SCARA5: variants seen among roughly 807,000 people sequenced by gnomAD.
SCARA5 encodes scavenger receptor class A, member 5 (putative).
A neutral mutation model predicts 46.3 loss-of-function variants in SCARA5; 45 were observed. That is an observed-to-expected ratio of 0.97 (90% CI 0.76 to 1.24). SCARA5 has a LOEUF of 1.24. Among genes scored for constraint, SCARA5 ranks in the 50% most tolerant of loss-of-function variants. The probability of loss-of-function intolerance (pLI) is 0.00; values close to 1 mark genes in which losing one functional copy is unlikely to be tolerated. For synonymous variants in SCARA5, 333 were observed against 306.5 expected (o/e 1.09, Z -0.90); for missense variants, 680 against 689.0 (o/e 0.99, Z 0.15).
rs1806642073 is a variant in SCARA5, at chr8:27,871,777, G to A, written c.*157C>T. 6.8e-6 allele frequency: 10 copies of A among 1,470,232 alleles called. 1 individual carries two copies. The highest frequency in any genetic ancestry group is 5.6e-5 in the South Asian group (4 of 71,966). The allele number at this position is 1,470,232 out of a possible 1,614,324, so 91.1% of individuals were successfully genotyped here. The stretch of plus-strand genomic sequence containing the variant: ...AGCACATGTTCAAGAGGGAAATGAC[G>A]ACCGGCCCCCACGGTCCTGGGATGC... On this transcript the variant is annotated 3_prime_UTR_variant, in exon 9 of 9. Transcript: ENST00000354914.
chr8:27,880,853 T>C (rs1388573092), intron 7 of SCARA5, among the ~76,000 whole-genome samples: 1 of 12,662 alleles, frequency 7.9e-5, no homozygotes, highest in Non-Finnish European at 1.6e-4. Flanking sequence ...AGACCCTGTC[T>C]AAGGAAAAAA....
chr8:27,960,536 A>C (rs1466453122), intron 3 of SCARA5, among the ~76,000 whole-genome samples: 2 of 152,194 alleles, frequency 1.3e-5, no homozygotes, highest in African/African-American at 4.8e-5. Context: ...TATTTAATTC[A>C]GTCCTCACAA....
chr8:27,924,713 G>A (rs1807653749), intron 3 of SCARA5, among the ~76,000 whole-genome samples: 3 of 152,198 alleles, frequency 2.0e-5, no homozygotes. Context: ...GTTTGCAGAT[G>A]ACATGATTGT....
intron 3 of SCARA5, among the ~76,000 whole-genome samples, chr8:27,950,036 C>T (rs1259355615): frequency 6.6e-6 from 1 of 152,198 alleles, no homozygotes; most frequent in African/African-American, 2.4e-5. Flanking sequence ...GTGGCCAGCC[C>T]ACCGTGGCTC....
chr8:27,893,924 G>T (rs1251734825), intron 7 of SCARA5, among the ~76,000 whole-genome samples: 3 of 152,214 alleles, frequency 2.0e-5, no homozygotes, highest in Non-Finnish European at 4.4e-5. Flanking sequence ...CCATCTCTCA[G>T]AACTGGCTTC....
intron 3 of SCARA5, among the ~76,000 whole-genome samples, chr8:27,944,839 G>A (rs912042163): frequency 7.9e-5 from 12 of 152,002 alleles, no homozygotes; most frequent in African/African-American, 2.9e-4. Context: ...CACTGCACTC[G>A]TCTGGGCGAC....
intron 8 of SCARA5, among the ~76,000 whole-genome samples, chr8:27,874,708 T>C (rs1400795750): frequency 6.6e-6 from 1 of 152,236 alleles, no homozygotes; most frequent in Non-Finnish European, 1.5e-5. Flanking sequence ...GAGGAGGTAA[T>C]AATGCAATAA....
intron 3 of SCARA5, among the ~76,000 whole-genome samples, chr8:27,942,984 G>C (rs1457679552): frequency 1.3e-5 from 2 of 152,204 alleles, no homozygotes; most frequent in Non-Finnish European, 2.9e-5. Flanking sequence ...ATGAGAGTAA[G>C]AAGCATCCCT....
intron 3 of SCARA5, among the ~76,000 whole-genome samples, chr8:27,927,084 G>A (rs1324218834): frequency 3.9e-5 from 6 of 152,236 alleles, no homozygotes; most frequent in African/African-American, 9.6e-5. Flanking sequence ...CACATCTGCC[G>A]AGGGCCAAGA....
At chr8:27,901,060 T>C (rs1383814995) in intron 7 of SCARA5, among the ~76,000 whole-genome samples, 2 of 152,132 alleles carry the variant, frequency 1.3e-5, no homozygotes, top group African/African-American at 4.8e-5. Flanking sequence ...CCTAAAATCC[T>C]ATGACTTCAG....
intron 7 of SCARA5, among the ~76,000 whole-genome samples, chr8:27,886,997 C>T (rs941167840): frequency 6.6e-6 from 1 of 152,110 alleles, no homozygotes; most frequent in Non-Finnish European, 1.5e-5. Flanking sequence ...TCTCTCTGCA[C>T]GTGGCAGTGG....
intron 7 of SCARA5, among the ~76,000 whole-genome samples, chr8:27,880,951 T>C (rs1349042294): frequency 6.6e-6 from 1 of 150,510 alleles, no homozygotes; most frequent in Non-Finnish European, 1.5e-5. Context: ...AAAATGCTCA[T>C]CGTTACTAAT....
intron 3 of SCARA5, among the ~76,000 whole-genome samples, chr8:27,932,604 C>T (rs1244295275): frequency 1.3e-5 from 2 of 152,162 alleles, no homozygotes; most frequent in Non-Finnish European, 2.9e-5. Flanking sequence ...CATAACCTTT[C>T]CTCTTGGTGT....
At chr8:27,888,455 T>A (rs1053965696) in intron 7 of SCARA5, among the ~76,000 whole-genome samples, 4 of 152,224 alleles carry the variant, frequency 2.6e-5, no homozygotes, top group Admixed American at 2.6e-4. Flanking sequence ...ATTTCCCACC[T>A]TTTTAGGCCA....
At chr8:27,948,763 G>C (rs1808076687) in intron 3 of SCARA5, among the ~76,000 whole-genome samples, 1 of 152,220 alleles carries the variant, frequency 6.6e-6, no homozygotes, top group Non-Finnish European at 1.5e-5. Flanking sequence ...CAAACGCCTA[G>C]TTAAATTGAA....
Position 27,969,323 on chromosome 8 carries a change from T to A in SCARA5, c.113-2781A>T, listed in dbSNP as rs899440966. Among the ~76,000 whole-genome samples the A allele has an allele frequency of 2.1e-4, 32 of 152,290 alleles. No individual in the cohort carries two copies. The East Asian group carries it at 4.2e-3, about 20-fold the overall frequency. On this transcript the variant is annotated intron_variant, in intron 2 of 8. Coordinates refer to ENST00000354914, the MANE Select transcript of SCARA5 (RefSeq NM_173833.6). The stretch of plus-strand genomic sequence containing the variant: ...ACTTTTTTGTTAAAAATAATTTTTT[T>A]AAAAATGCACTATCAAGCCATGACA...
At chr8:27,978,502 C>CTTAT (rs369346257) in intron 2 of SCARA5, among the ~76,000 whole-genome samples, 6,336 of 151,600 alleles carry the variant, frequency 0.042, 194 homozygotes, top group Middle Eastern at 0.092. Flanking sequence ...CATGGCTCAT[C>CTTAT]TTATTTATTT....
Position 27,987,568 on chromosome 8 carries a change from G to C in SCARA5, c.48C>G (p.Thr16=), listed in dbSNP as rs746063368. The change falls in exon 2 of 9, where the codon ACC becomes ACG. Residue 16 remains threonine, a synonymous_variant. Transcript: ENST00000354914. ...MYLHTVSDCD[T]SSICEDSFDG... The stretch of plus-strand genomic sequence containing the variant: ...CAAAGGAATCCTCACAGATGGAGCT[G>C]GTGTCACAGTCGCTGACGGTGTGTA... 30 of 1,614,004 alleles carry C rather than the reference G, an allele frequency of 1.9e-5. No homozygotes were observed. The Admixed American group carries it at 2.2e-4, about 12-fold the overall frequency.
chr8:27,940,759 T>TCCATCC (rs1563532869), intron 3 of SCARA5, among the ~76,000 whole-genome samples: 1 of 29,028 alleles, frequency 3.4e-5, no homozygotes, highest in South Asian at 2.2e-3. Flanking sequence ...CCCAACCATC[T>TCCATCC]GTCCATCCAT....
Sources: gnomAD v4.1 joint callset for allele counts (sites outside exome capture counted in the v4.1 genomes callset) on GRCh38, gnomAD v4.1.1 for gene constraint, MANE v1.5 for transcripts, NCBI Gene and HGNC (gene_info 2026-07-23, HGNC 2026-07-21) for gene names.